The following SPTBN2 variants were observed in gnomAD, a reference collection of about 807,000 sequenced individuals.
SPTBN2 encodes the protein spectrin beta chain, non-erythrocytic 2.
A neutral mutation model predicts 284.2 loss-of-function variants in SPTBN2; 107 were observed. That is an observed-to-expected ratio of 0.38 (90% CI 0.32 to 0.44). SPTBN2 has a LOEUF of 0.44. Ranked by LOEUF, SPTBN2 falls within the 20% of genes least tolerant of loss-of-function variation. SPTBN2 has a pLI of 1.00. For missense variants in SPTBN2, 2,569 were observed against 3,287.1 expected, an observed-to-expected ratio of 0.78 and a Z score of 5.34; for synonymous variants, 1,289 against 1,354.8, an observed-to-expected ratio of 0.95 and a Z score of 1.07.
At chr11:66,690,588 T>C (rs1940473500) in intron 27 of SPTBN2, among the ~76,000 whole-genome samples, 1 of 152,086 alleles carries the variant, frequency 6.6e-6, no homozygotes, top group African/African-American at 2.4e-5. Context: ...ACGTGCTACT[T>C]AGCCTGAAAA....
intron 13 of SPTBN2, among the ~76,000 whole-genome samples, chr11:66,706,776 TG>T: frequency 6.6e-6 from 1 of 151,608 alleles, no homozygotes; most frequent in South Asian, 2.1e-4. Context: ...ACTACAGGCA[TG>T]CGCTACCACC....
At chr11:66,725,541 C>A (rs1443590176) in intron 1 of SPTBN2, among the ~76,000 whole-genome samples, 1 of 152,084 alleles carries the variant, frequency 6.6e-6, no homozygotes, top group Non-Finnish European at 1.5e-5. Flanking sequence ...AGCTTCATGA[C>A]CCCCTGTCAT....
rs1403683593 is a variant in SPTBN2, at chr11:66,710,911, C to G, written c.885+6G>C. 2 of 1,614,084 alleles carry G rather than the reference C, an allele frequency of 1.2e-6. No individual in the cohort carries two copies. The highest frequency in any genetic ancestry group is 1.7e-6 in the Non-Finnish European group (2 of 1,179,898). Reference sequence around the variant, plus strand: ...GGCCTTTATGCCTACTGCCCATGGACAGTACCTTGCCAATTCTCTTGCCTT... The same window carrying G: ...GGCCTTTATGCCTACTGCCCATGGAGAGTACCTTGCCAATTCTCTTGCCTT... On this transcript the variant is annotated splice_donor_region_variant and intron_variant, in intron 9 of 37. Coordinates refer to ENST00000533211, the MANE Select transcript of SPTBN2 (RefSeq NM_006946.4). This position sits in a 1 kb window ranked among gnomAD's most constrained non-coding sequence, Gnocchi z 4.9.
Position 66,701,230 on chromosome 11 carries a change from C to A in SPTBN2, c.2869G>T (p.Ala957Ser). ...ADGKKAALTS[A>S]LSIQNYHLEC... is the part of the protein sequence containing the mutation. Reference sequence around the variant, plus strand: ...AAGTGGTAGTTCTGGATGCTCAGGGCTGAGGTGAGAGCTGCCTTCTTGCCG... The same window carrying A: ...AAGTGGTAGTTCTGGATGCTCAGGGATGAGGTGAGAGCTGCCTTCTTGCCG... The change falls in exon 17 of 38, where the codon GCC (alanine) becomes TCC (serine). Residue 957 changes from alanine to serine, a missense_variant. This residue lies in a region of SPTBN2 where 1,012 missense variants were observed against 1,248.9 expected (regional missense o/e 0.81). Transcript: ENST00000533211. 1 of 1,613,108 alleles carries A rather than the reference C, an allele frequency of 6.2e-7. No individual in the cohort carries two copies. The highest frequency in any genetic ancestry group is 8.5e-7 in the Non-Finnish European group (1 of 1,180,042).
At position 66,699,734 on chromosome 11, in the gene SPTBN2, G is replaced by A. The variant is rs79437799; in HGVS notation, c.3574-126C>T. 6,629 of 980,784 alleles carry A rather than the reference G, an allele frequency of 6.8e-3. 410 individuals carry two copies. The East Asian group carries it at 0.14, about 20-fold the overall frequency. 60.8% of individuals were successfully genotyped at this position (980,784 alleles called of 1,614,324 possible). A position where few individuals can be genotyped will look rare whatever the true frequency, so the allele number is the denominator to read the frequency against. ...GCAGACAGGGAGGGTAGCCCAGAGA[G>A]CTCTGAAGACAGGGAGGCTGCCAGC... On this transcript the variant is annotated intron_variant, in intron 17 of 37. Transcript: ENST00000533211.
Position 66,687,000 on chromosome 11 carries a change from T to G in SPTBN2, c.6890A>C (p.Lys2297Thr), listed in dbSNP as rs766981787. 6.2e-7 allele frequency: 1 copy of G among 1,613,872 alleles called. No individual in the cohort carries two copies. The highest frequency in any genetic ancestry group is 1.3e-5 in the African/African-American group (1 of 74,918). ...FDYRKRKHVFKLGLQDGKEYL... is the reference protein window; with the variant it reads ...FDYRKRKHVFTLGLQDGKEYL... ...CACTGTTCCCTGTTCCTACCCCAGC[T>G]TGAAGACATGTTTGCGCTTTCGGTA... Residue 2297 changes from lysine to threonine, a missense_variant, in exon 36 of 38, where the codon AAG becomes ACG. Coordinates refer to ENST00000533211, the MANE Select transcript of SPTBN2 (RefSeq NM_006946.4).
In SPTBN2 at chr11:66,708,778, C is replaced by T. The variant is rs921068479; in HGVS notation, c.1191+124G>A. 2.5e-6 allele frequency: 2 copies of T among 787,238 alleles called. No homozygotes were observed. The highest frequency in any genetic ancestry group is 5.0e-5 in the East Asian group (2 of 39,928). 48.8% of individuals were successfully genotyped at this position (787,238 alleles called of 1,614,324 possible). A position where few individuals can be genotyped will look rare whatever the true frequency, so the allele number is the denominator to read the frequency against. ...GCAGCTGGGCAGAGTGCTCGAGTTT[C>T]AAGTTGGGGCAGCAGATAGTAGAAC... On this transcript the variant is annotated intron_variant, in intron 11 of 37. Coordinates refer to ENST00000533211, the MANE Select transcript of SPTBN2 (RefSeq NM_006946.4). This position sits in a 1 kb window ranked among gnomAD's most constrained non-coding sequence, Gnocchi z 4.4.
rs1335791418 is a variant in SPTBN2 at position 66,687,331 on chromosome 11, T to C, written c.6722+96A>G. 1 of 1,563,080 alleles carries C rather than the reference T, an allele frequency of 6.4e-7. No homozygotes were observed. The highest frequency in any genetic ancestry group is 1.3e-5 in the African/African-American group (1 of 74,116). On this transcript the variant is annotated intron_variant, in intron 35 of 37. Transcript: ENST00000533211. The surrounding 1 kb of genome is among the most constrained non-coding windows in gnomAD (Gnocchi z 5.2). Reference sequence around the variant, plus strand: ...CGCTCTGGTCCCAAGTCCTACCCTTTGCCCAGAAGATGTACTCTAAAGGGC... The same window carrying C: ...CGCTCTGGTCCCAAGTCCTACCCTTCGCCCAGAAGATGTACTCTAAAGGGC...
chr11:66,728,361 C>G (rs1333218889), intron 1 of SPTBN2: 1 of 145,672 alleles, frequency 6.9e-6, no homozygotes, highest in Non-Finnish European at 1.5e-5. Context: ...GTGGCGGCGG[C>G]GCGCGGGCGC....
intron 18 of SPTBN2, 92 bp downstream of exon 18, chr11:66,699,314 G>T: frequency 6.6e-7 from 1 of 1,508,562 alleles, no homozygotes; most frequent in Non-Finnish European, 9.1e-7. Flanking sequence ...TGCCCCATCT[G>T]TGGGTTTCCT....
intron 1 of SPTBN2, among the ~76,000 whole-genome samples, chr11:66,725,540 AC>A (rs1472214523): frequency 1.3e-5 from 2 of 151,302 alleles, no homozygotes; most frequent in African/African-American, 2.5e-5. Flanking sequence ...CAGCTTCATG[AC>A]CCCCTGTCAT....
chr11:66,705,497 C>G (rs1323710864), intron 14 of SPTBN2, 29 bp from the exon 15 acceptor site: 1 of 1,612,486 alleles, frequency 6.2e-7, no homozygotes, highest in Non-Finnish European at 8.5e-7. Context: ...AGGGTCAGAG[C>G]CTTAACCCAG....
intron 8 of SPTBN2, among the ~76,000 whole-genome samples, chr11:66,713,171 G>C (rs1941963914): frequency 6.6e-6 from 1 of 151,702 alleles, no homozygotes; most frequent in African/African-American, 2.4e-5. Flanking sequence ...ACAGTCCAGG[G>C]CTCTTTCTGT....
intron 1 of SPTBN2, among the ~76,000 whole-genome samples, chr11:66,734,970 C>A (rs1288166118): frequency 6.6e-6 from 1 of 152,222 alleles, no homozygotes; most frequent in African/African-American, 2.4e-5. Context: ...CTGCCCTCTG[C>A]ATAGGGATGA....
chr11:66,737,957 G>A lies in SPTBN2; in HGVS notation c.-475+6585C>T, dbSNP rs552305681. ...AGGCCGGGTACGGTGGCTCACGCCTGTAATCCCAGCACTTTGGGAGGCCGA... is the reference window on the plus strand; with the variant it reads ...AGGCCGGGTACGGTGGCTCACGCCTATAATCCCAGCACTTTGGGAGGCCGA... On this transcript the variant is annotated intron_variant, in intron 1 of 37. Transcript: ENST00000611817. 2.6e-5 allele frequency among the ~76,000 whole-genome samples: 4 copies of A among 152,318 alleles called. No individual in the cohort carries two copies. In the South Asian group the frequency reaches 8.3e-4, roughly 32 times the overall value.
chr11:66,690,435 A>T, intron 27 of SPTBN2, 152 bp from the exon 28 acceptor site: 1 of 1,104,844 alleles, frequency 9.1e-7, no homozygotes, highest in Non-Finnish European at 1.3e-6. Flanking sequence ...GGAAAGATGA[A>T]GGCAGGGGCT....
chr11:66,693,172 G>A lies in SPTBN2; in HGVS notation c.4854+14C>T. The stretch of plus-strand genomic sequence containing the variant: ...GAACTGGTCACATACACTGGGCTCT[G>A]TCCTGGCCCTCACCTTGGCCTTCTC... On this transcript the variant is annotated intron_variant, in intron 24 of 37. Transcript: ENST00000533211. This position sits in a 1 kb window ranked among gnomAD's most constrained non-coding sequence, Gnocchi z 5.7. The A allele has an allele frequency of 6.2e-7, 1 of 1,614,234 alleles. No homozygotes were observed.
chr11:66,710,639 C>G lies in SPTBN2; in HGVS notation c.1016G>C (p.Gly339Ala). 3 of 1,614,136 alleles carry G rather than the reference C, an allele frequency of 1.9e-6. No individual in the cohort carries two copies. The South Asian group carries it at 3.3e-5, about 18-fold the overall frequency. ...GAAGGACTGCAGCTGGTTCTGGACC[C>G]CGCTAAGGGAGTTGGCCAACTGCCG... ...NDRQLANSLS[G>A]VQNQLQSFNS... Residue 339 changes from glycine to alanine, a missense_variant, in exon 10 of 38, where the codon GGG becomes GCG. Around this residue, in one of 6 missense-constraint regions of SPTBN2, gnomAD observed 304 missense variants for 522.1 expected, o/e 0.58. Coordinates refer to ENST00000533211, the MANE Select transcript of SPTBN2 (RefSeq NM_006946.4). This position sits in a 1 kb window ranked among gnomAD's most constrained non-coding sequence, Gnocchi z 4.9.
intron 1 of SPTBN2, among the ~76,000 whole-genome samples, chr11:66,743,885 A>T (rs1297515341): frequency 6.6e-6 from 1 of 151,876 alleles, no homozygotes; most frequent in Non-Finnish European, 1.5e-5. Flanking sequence ...TTTGAGACAG[A>T]GTTTCGCTCT....
Sources: gnomAD v4.1 joint callset for allele counts (sites outside exome capture counted in the v4.1 genomes callset) on GRCh38, gnomAD v4.1.1 for gene constraint, gnomAD v4.1.1 regional missense constraint, Gnocchi (gnomAD v3.1) non-coding constraint, MANE v1.5 for transcripts, NCBI Gene and HGNC (gene_info 2026-07-23, HGNC 2026-07-21) for gene names.